CTNND2: variants seen among roughly 807,000 people sequenced by gnomAD.
The protein encoded by CTNND2 is catenin delta-2.
In CTNND2, 22 loss-of-function variants were observed where a neutral mutation model predicts 144.4. The ratio of observed to expected loss-of-function variants is 0.15; its 90% CI spans 0.11 to 0.22. CTNND2 has a LOEUF of 0.22. Among genes scored for constraint, CTNND2 ranks in the 10% least tolerant of loss-of-function variants. CTNND2 has a pLI of 1.00. For missense variants in CTNND2, 1,353 were observed against 1,618.8 expected (o/e 0.84, Z 2.82); for synonymous variants, 751 against 695.6 (o/e 1.08, Z -1.25).
chr5:11,795,221 G>T (rs1791339717), intron 1 of CTNND2, among the ~76,000 whole-genome samples: 1 of 152,142 alleles, frequency 6.6e-6, no homozygotes, highest in African/African-American at 2.4e-5. Context: ...TATCATAAAT[G>T]CCAAGAATGT....
intron 7 of CTNND2, among the ~76,000 whole-genome samples, chr5:11,369,829 C>T (rs1417778148): frequency 6.6e-6 from 1 of 152,170 alleles, no homozygotes; most frequent in Non-Finnish European, 1.5e-5. Context: ...TAGCAGAGAG[C>T]TGCAGACAGT....
At chr5:11,476,750 A>G (rs529509405) in intron 3 of CTNND2, among the ~76,000 whole-genome samples, 21 of 152,216 alleles carry the variant, frequency 1.4e-4, no homozygotes, top group Non-Finnish European at 2.9e-4. Flanking sequence ...TTAAAAATGT[A>G]AAGTGCTATA....
At chr5:11,412,483 A>G (rs1280321286) in intron 3 of CTNND2, among the ~76,000 whole-genome samples, 1 of 152,154 alleles carries the variant, frequency 6.6e-6, no homozygotes, top group Non-Finnish European at 1.5e-5. Flanking sequence ...GATGAAATAA[A>G]TCTTTGCCTC....
At chr5:11,403,968 T>C (rs58132613) in intron 5 of CTNND2, among the ~76,000 whole-genome samples, 5,793 of 152,262 alleles carry the variant, frequency 0.038, 367 homozygotes, top group African/African-American at 0.13. Context: ...CGATCATTCT[T>C]TATTCTAGTG....
rs1350804406 is a variant in CTNND2, at chr5:11,240,856, TACAC to T, written c.1629-4037_1629-4034del. 8.4e-5 allele frequency among the ~76,000 whole-genome samples: 6 copies of T among 71,216 alleles called. No homozygotes were observed. In the East Asian group the frequency reaches 3.0e-3, roughly 36 times the overall value. 46.7% of individuals were successfully genotyped at this position (71,216 alleles called of 152,430 possible). On this transcript the variant is annotated intron_variant, in intron 9 of 21. Coordinates refer to ENST00000304623, the MANE Select transcript of CTNND2 (RefSeq NM_001332.4). ...CACCCCCCAACACACACCCAACACA[TACAC>T]TCAGCACACACACCCCAACCCACAC...
chr5:11,348,451 A>AG (rs1755018241), intron 8 of CTNND2, among the ~76,000 whole-genome samples: 4 of 148,226 alleles, frequency 2.7e-5, no homozygotes, highest in Non-Finnish European at 4.6e-5. Flanking sequence ...AAAAAAAAAA[A>AG]AAAAAGAAAA....
chr5:11,498,209 A>C (rs1770167490), intron 3 of CTNND2, among the ~76,000 whole-genome samples: 1 of 152,276 alleles, frequency 6.6e-6, no homozygotes, highest in East Asian at 1.9e-4. Flanking sequence ...AAAAATTTTA[A>C]CATTAAAACT....
At chr5:11,730,665 G>A (rs2126738980) in intron 2 of CTNND2, among the ~76,000 whole-genome samples, 1 of 152,326 alleles carries the variant, frequency 6.6e-6, no homozygotes, top group African/African-American at 2.4e-5. Flanking sequence ...TCTGATTACA[G>A]CTGCCTAAAT....
intron 2 of CTNND2, among the ~76,000 whole-genome samples, chr5:11,690,742 C>CAA (rs58799389): frequency 0.039 from 1,420 of 36,398 alleles, 173 homozygotes; most frequent in Non-Finnish European, 0.076. Context: ...GACTCCGTCT[C>CAA]AAAAAAAAAA....
intron 3 of CTNND2, among the ~76,000 whole-genome samples, chr5:11,564,717 T>C (rs971298907): frequency 2.6e-5 from 4 of 152,178 alleles, no homozygotes; most frequent in Admixed American, 6.5e-5. Flanking sequence ...TAAAATTACG[T>C]ATAATTTGCA....
chr5:11,659,253 C>T (rs1783063805), intron 2 of CTNND2, among the ~76,000 whole-genome samples: 1 of 152,010 alleles, frequency 6.6e-6, no homozygotes. Flanking sequence ...CTGATGTATA[C>T]AGGAGAATGT....
At chr5:10,998,861 A>G (rs1160274943) in intron 18 of CTNND2, among the ~76,000 whole-genome samples, 2 of 152,258 alleles carry the variant, frequency 1.3e-5, no homozygotes, top group Non-Finnish European at 2.9e-5. Flanking sequence ...TTATATGCAA[A>G]TACTGCACCA....
At chr5:11,090,077 CA>C (rs1561286926) in intron 15 of CTNND2, among the ~76,000 whole-genome samples, 1 of 152,124 alleles carries the variant, frequency 6.6e-6, no homozygotes, top group African/African-American at 2.4e-5. Context: ...GTTCTAAAGC[CA>C]AACAAATCCC....
At chr5:11,583,613 T>C (rs1425041183) in intron 2 of CTNND2, among the ~76,000 whole-genome samples, 4 of 152,224 alleles carry the variant, frequency 2.6e-5, no homozygotes, top group Admixed American at 2.6e-4. Context: ...GAAAGTTTAA[T>C]GCGATATTAT....
chr5:11,208,728 T>C (rs1580592454), intron 10 of CTNND2, among the ~76,000 whole-genome samples: 1 of 152,092 alleles, frequency 6.6e-6, no homozygotes, highest in Admixed American at 6.5e-5. Context: ...TATATACTAC[T>C]GGGAAGACCT....
chr5:11,293,000 G>A (rs1359799294), intron 9 of CTNND2, among the ~76,000 whole-genome samples: 2 of 152,160 alleles, frequency 1.3e-5, no homozygotes, highest in Non-Finnish European at 2.9e-5. Context: ...ATCAGCCAAT[G>A]TGCTAAAATC....
chr5:11,321,404 G>T (rs1384633607), intron 9 of CTNND2, among the ~76,000 whole-genome samples: 1 of 152,108 alleles, frequency 6.6e-6, no homozygotes, highest in Non-Finnish European at 1.5e-5. Context: ...GTGGTAACTG[G>T]ACAAGGTTGG....
intron 9 of CTNND2, among the ~76,000 whole-genome samples, chr5:11,243,893 G>A (rs778705625): frequency 2.6e-4 from 40 of 152,182 alleles, no homozygotes; most frequent in Non-Finnish European, 4.8e-4. Flanking sequence ...GCTTTATGGT[G>A]GCAGACATGG....
chr5:11,871,029 G>C (rs777610506), intron 1 of CTNND2, among the ~76,000 whole-genome samples: 2 of 152,128 alleles, frequency 1.3e-5, no homozygotes, highest in Non-Finnish European at 2.9e-5. Flanking sequence ...AAGGTCATGA[G>C]GGTAGAGCTT....
Sources: gnomAD v4.1 joint callset for allele counts (sites outside exome capture counted in the v4.1 genomes callset) on GRCh38, gnomAD v4.1.1 for gene constraint, MANE v1.5 for transcripts, NCBI Gene and HGNC (gene_info 2026-07-23, HGNC 2026-07-21) for gene names.